PRDM16: variants seen among roughly 807,000 people sequenced by gnomAD.
PRDM16 encodes histone-lysine N-methyltransferase PRDM16.
PRDM16 carries 23 observed loss-of-function variants against 110.6 expected under a neutral mutation model. The ratio of observed to expected loss-of-function variants is 0.21; its 90% CI spans 0.15 to 0.29. PRDM16 has a LOEUF of 0.29. PRDM16 is among the 10% of genes least tolerant of loss of function. The pLI, the probability that PRDM16 is intolerant of heterozygous loss-of-function variation, is 1.00. For missense variants in PRDM16, 1,615 were observed against 1,794.3 expected, an observed-to-expected ratio of 0.90 and a Z score of 1.81; for synonymous variants, 799 against 781.8, an observed-to-expected ratio of 1.02 and a Z score of -0.37.
chr1:3,381,918 C>A (rs943804888), intron 3 of PRDM16, among the ~76,000 whole-genome samples: 4 of 152,240 alleles, frequency 2.6e-5, no homozygotes, highest in African/African-American at 9.6e-5. Context: ...TGTACAGGGG[C>A]TGTGAGTCCC....
At chr1:3,215,279 G>A (rs1293971150) in intron 2 of PRDM16, among the ~76,000 whole-genome samples, 1 of 148,820 alleles carries the variant, frequency 6.7e-6, no homozygotes, top group Admixed American at 6.6e-5. Context: ...CTGTGTGGAT[G>A]ATCCACAGGT....
Position 3,436,126 on chromosome 1 carries a change from A to C in PRDM16, c.*2315A>C. 4.3e-6 allele frequency: 1 copy of C among 230,960 alleles called. No homozygotes were observed. The highest frequency in any genetic ancestry group is 8.6e-6 in the Non-Finnish European group (1 of 116,672). 14.3% of individuals were successfully genotyped at this position (230,960 alleles called of 1,614,324 possible). A position where few individuals can be genotyped will look rare whatever the true frequency, so the allele number is the denominator to read the frequency against. On this transcript the variant is annotated 3_prime_UTR_variant, in exon 17 of 17. Coordinates refer to ENST00000270722, the MANE Select transcript of PRDM16 (RefSeq NM_022114.4). ...TAGATGGGATTCTTATAAAAATTCAACCTCAGACATAAACACCCCATTTCT... is the reference window on the plus strand; with the variant it reads ...TAGATGGGATTCTTATAAAAATTCACCCTCAGACATAAACACCCCATTTCT...
chr1:3,145,106 T>A (rs1171054854), intron 1 of PRDM16, among the ~76,000 whole-genome samples: 1 of 152,200 alleles, frequency 6.6e-6, no homozygotes, highest in Non-Finnish European at 1.5e-5. Context: ...ACGCAGGGGC[T>A]GACCTGGCAG....
chr1:3,337,083 G>T (rs1642174838), intron 3 of PRDM16, among the ~76,000 whole-genome samples: 1 of 151,862 alleles, frequency 6.6e-6, no homozygotes. Context: ...GCGTGTGTGA[G>T]CGCATGCATC....
intron 1 of PRDM16, among the ~76,000 whole-genome samples, chr1:3,082,986 A>T (rs1364056578): frequency 2.6e-5 from 4 of 152,146 alleles, no homozygotes; most frequent in African/African-American, 9.7e-5. Flanking sequence ...GGGGCGCTGG[A>T]GATCGAGCCC....
At chr1:3,428,001 A>G (rs528756243) in intron 14 of PRDM16, among the ~76,000 whole-genome samples, 2 of 152,276 alleles carry the variant, frequency 1.3e-5, no homozygotes, top group African/African-American at 4.8e-5. Context: ...CCCCGTCCCC[A>G]GGCACAATCC....
At chr1:3,240,560 G>A (rs918710572) in intron 2 of PRDM16, among the ~76,000 whole-genome samples, 68 of 152,314 alleles carry the variant, frequency 4.5e-4, no homozygotes, top group African/African-American at 1.4e-3. Context: ...ACCGGGCTCC[G>A]TCCACCTCCC....
chr1:3,420,061 G>A (rs930177268), intron 12 of PRDM16, among the ~76,000 whole-genome samples: 14 of 152,218 alleles, frequency 9.2e-5, no homozygotes, highest in African/African-American at 2.9e-4. Context: ...TCTGGACAGC[G>A]TTGTGTGCTA....
intron 1 of PRDM16, among the ~76,000 whole-genome samples, chr1:3,113,484 AGGAG>A (rs200016738): frequency 0.014 from 1,510 of 111,338 alleles, 17 homozygotes; most frequent in African/African-American, 0.048. Flanking sequence ...GCTCGGAGGA[AGGAG>A]GGAGGGAGGG....
At position 3,436,256 on chromosome 1, in the gene PRDM16, G is replaced by A; in HGVS notation, c.*2445G>A. On this transcript the variant is annotated 3_prime_UTR_variant, in exon 17 of 17. Coordinates refer to ENST00000270722, the MANE Select transcript of PRDM16 (RefSeq NM_022114.4). ...CTGAAGTGGGACATTCGGACGGATG[G>A]AGCCCTCAGCGTGTCTTTTCAGCAG... 1 of 229,868 alleles carries A rather than the reference G, an allele frequency of 4.4e-6. No homozygotes were observed. Among genetic ancestry groups the A allele is most frequent in the Non-Finnish European group, 8.6e-6 (1 of 116,248 alleles). 14.2% of individuals were successfully genotyped at this position (229,868 alleles called of 1,614,324 possible). A position where few individuals can be genotyped will look rare whatever the true frequency, so the allele number is the denominator to read the frequency against.
rs756690664 is a variant in PRDM16 at position 3,426,017 on chromosome 1, G to A, written c.3110-34G>A. ...CCCCACGGAGGGAGGGGTCCAGCGA[G>A]AGGCCGCCCCCTGATGCTCCCGCCC... On this transcript the variant is annotated intron_variant, in intron 13 of 16. Coordinates refer to ENST00000270722, the MANE Select transcript of PRDM16 (RefSeq NM_022114.4). 1.3e-5 allele frequency: 21 copies of A among 1,591,764 alleles called. No homozygotes were observed. The South Asian group carries it at 2.3e-4, about 17-fold the overall frequency.
intron 3 of PRDM16, among the ~76,000 whole-genome samples, chr1:3,357,465 C>T (rs1041943241): frequency 6.7e-6 from 1 of 149,900 alleles, no homozygotes; most frequent in African/African-American, 2.5e-5. Context: ...AGTCTCACCA[C>T]GGGGCCTGGC....
chr1:3,410,033 GTGAT>G (rs1294297960), intron 8 of PRDM16, among the ~76,000 whole-genome samples: 7 of 145,632 alleles, frequency 4.8e-5, no homozygotes, highest in South Asian at 2.2e-4. Flanking sequence ...GTGCATGTGT[GTGAT>G]TGTGTGTGTA....
chr1:3,126,982 C>T (rs1370245851), intron 1 of PRDM16, among the ~76,000 whole-genome samples: 4 of 152,182 alleles, frequency 2.6e-5, no homozygotes, highest in Non-Finnish European at 5.9e-5. Flanking sequence ...GGACCACCAT[C>T]GGCCCCGGAC....
intron 3 of PRDM16, among the ~76,000 whole-genome samples, chr1:3,259,982 C>T (rs1275206504): frequency 6.6e-6 from 1 of 151,942 alleles, no homozygotes; most frequent in Non-Finnish European, 1.5e-5. Context: ...AAGCCCCCTG[C>T]ACTTCTTTGG....
intron 8 of PRDM16, among the ~76,000 whole-genome samples, chr1:3,407,297 G>GC (rs1319110273): frequency 6.6e-6 from 1 of 152,126 alleles, no homozygotes; most frequent in South Asian, 2.1e-4. Flanking sequence ...GGGTGACTCC[G>GC]CCCCCAGCCT....
chr1:3,203,637 T>A (rs2817142), intron 2 of PRDM16, among the ~76,000 whole-genome samples: 2 of 152,310 alleles, frequency 1.3e-5, no homozygotes, highest in African/African-American at 4.8e-5. Context: ...GCAGACACGG[T>A]GCCCTCGAGG....
intron 1 of PRDM16, among the ~76,000 whole-genome samples, chr1:3,114,196 CACGCACGCACACACGCACACGA>C (rs1642871398): frequency 2.3e-5 from 3 of 129,874 alleles, no homozygotes; most frequent in Admixed American, 7.9e-5. Context: ...CACACACGCA[CACGCACGCACACACGCACACGA>C]ACACACACGC....
intron 3 of PRDM16, among the ~76,000 whole-genome samples, chr1:3,334,718 C>T (rs569144879): frequency 1.2e-4 from 19 of 152,366 alleles, no homozygotes; most frequent in African/African-American, 4.1e-4. Context: ...GGTTCACCCA[C>T]GTCCTTCTCA....
Sources: allele counts gnomAD v4.1 joint callset (sites outside exome capture counted in the v4.1 genomes callset), GRCh38; gene constraint gnomAD v4.1.1; transcripts MANE v1.5; gene names NCBI Gene and HGNC (gene_info 2026-07-23, HGNC 2026-07-21).